The following ADGRV1 variants were observed in gnomAD, a reference collection of about 807,000 sequenced individuals.
ADGRV1 encodes the protein G-protein coupled receptor 98.
Under a neutral mutation model 596.2 loss-of-function variants are expected in ADGRV1, and 359 were observed. The ratio of observed to expected loss-of-function variants is 0.60; its 90% CI spans 0.55 to 0.66. The LOEUF is 0.66. Among genes scored for constraint, ADGRV1 ranks in the 30% least tolerant of loss-of-function variants. The probability of loss-of-function intolerance (pLI) is 0.00; values close to 1 mark genes in which losing one functional copy is unlikely to be tolerated. For missense variants in ADGRV1, 7,274 were observed against 7,575.6 expected (o/e 0.96, Z 1.48); for synonymous variants, 2,681 against 2,679.2 (o/e 1.00, Z -0.02).
rs1295347113 is a variant in ADGRV1, at chr5:90,779,084, G to C, written c.13069G>C (p.Glu4357Gln). 1.2e-6 allele frequency: 2 copies of C among 1,601,136 alleles called. No individual in the cohort carries two copies. Among genetic ancestry groups the C allele is most frequent in the African/African-American group, 1.3e-5 (1 of 74,698 alleles). The part of the protein sequence containing the change: ...EEFSLTITKV[E>Q]LQGRGYDFTI... ...ATTTTCTCTAACAATTACAAAGGTG[G>C]AACTCCAGGGAAGGTAAAGGAGAAA... The change falls in exon 64 of 90, where the codon GAA (glutamate) becomes CAA (glutamine). Residue 4357 changes from glutamate (E) to glutamine (Q), a missense_variant. Transcript: ENST00000405460.
chr5:91,046,333 G>C (rs947419497), intron 85 of ADGRV1, among the ~76,000 whole-genome samples: 2 of 152,082 alleles, frequency 1.3e-5, no homozygotes, highest in African/African-American at 2.4e-5. Flanking sequence ...TAGACCAATG[G>C]AACAGAATAG....
intron 83 of ADGRV1, among the ~76,000 whole-genome samples, chr5:90,865,468 C>T (rs1768003431): frequency 6.6e-6 from 1 of 152,032 alleles, no homozygotes; most frequent in African/African-American, 2.4e-5. Context: ...ACCAGGATTT[C>T]TATGTTGGAG....
chr5:90,761,203 A>ATCACTGCC, intron 58 of ADGRV1, among the ~76,000 whole-genome samples: 1 of 151,314 alleles, frequency 6.6e-6, no homozygotes, highest in African/African-American at 2.4e-5. Context: ...AATATAACAA[A>ATCACTGCC]TAAGGATTTG....
intron 85 of ADGRV1, among the ~76,000 whole-genome samples, chr5:90,991,387 G>C (rs1337689944): frequency 6.6e-6 from 1 of 152,146 alleles, no homozygotes; most frequent in African/African-American, 2.4e-5. Context: ...TGATTGTAAT[G>C]AAAAAATTGC....
At chr5:90,887,563 A>C (rs1770425730) in intron 83 of ADGRV1, among the ~76,000 whole-genome samples, 1 of 152,182 alleles carries the variant, frequency 6.6e-6, no homozygotes, top group Non-Finnish European at 1.5e-5. Flanking sequence ...ATGAATGATA[A>C]GCACTGAATG....
chr5:90,813,353 A>G (rs1581204793), intron 74 of ADGRV1, among the ~76,000 whole-genome samples: 1 of 151,948 alleles, frequency 6.6e-6, no homozygotes, highest in African/African-American at 2.4e-5. Flanking sequence ...TTACTGGATC[A>G]TGGGGAGGTC....
intron 1 of ADGRV1, among the ~76,000 whole-genome samples, chr5:90,591,243 A>T (rs1759466017): frequency 1.3e-5 from 2 of 152,086 alleles, no homozygotes; most frequent in South Asian, 4.1e-4. Context: ...AATACAAAAA[A>T]TTAGTCAGGC....
At chr5:90,812,053 G>C (rs1465622954) in intron 74 of ADGRV1, among the ~76,000 whole-genome samples, 2 of 151,068 alleles carry the variant, frequency 1.3e-5, no homozygotes, top group East Asian at 3.9e-4. Context: ...TCAGCTTCCC[G>C]AGTAGCTGGG....
chr5:90,994,060 C>CTTT (rs542927882), intron 85 of ADGRV1, among the ~76,000 whole-genome samples: 1 of 134,700 alleles, frequency 7.4e-6, no homozygotes. Flanking sequence ...CTTTTCTTTT[C>CTTT]TTTTTTTTTT....
chr5:90,729,841 A>C, intron 50 of ADGRV1, 77 bp downstream of exon 50: 1 of 1,414,108 alleles, frequency 7.1e-7, no homozygotes, highest in Non-Finnish European at 9.8e-7. Flanking sequence ...ATTGATTTAG[A>C]TTTAGTATCA....
Position 91,153,409 on chromosome 5 carries a change from A to C in ADGRV1, c.18802+11A>C, listed in dbSNP as rs1358693884. On this transcript the variant is annotated intron_variant, in intron 89 of 89. Coordinates refer to ENST00000405460, the MANE Select transcript of ADGRV1 (RefSeq NM_032119.4). ...TTGCATTAAAAACTGGTATGTATGA[A>C]CCCATGAACGACATTAGAAGTAGGC... The C allele has an allele frequency of 6.4e-7, 1 of 1,558,726 alleles. No individual in the cohort carries two copies. The highest frequency in any genetic ancestry group is 8.7e-7 in the Non-Finnish European group (1 of 1,151,918).
At chr5:90,986,727 G>A (rs763136185) in intron 85 of ADGRV1, among the ~76,000 whole-genome samples, 1 of 151,910 alleles carries the variant, frequency 6.6e-6, no homozygotes, top group African/African-American at 2.4e-5. Context: ...TTCTAAAAAG[G>A]AACGATGGCA....
intron 83 of ADGRV1, among the ~76,000 whole-genome samples, chr5:90,891,989 C>T (rs1347918701): frequency 1.3e-5 from 2 of 151,752 alleles, no homozygotes; most frequent in East Asian, 1.9e-4. Context: ...GTAGAAAATG[C>T]ACTTTAAGTT....
At chr5:90,911,646 G>C (rs1772899399) in intron 83 of ADGRV1, among the ~76,000 whole-genome samples, 1 of 152,130 alleles carries the variant, frequency 6.6e-6, no homozygotes, top group Non-Finnish European at 1.5e-5. Context: ...TTTCATGTTA[G>C]TGGTTTTAAT....
chr5:90,912,726 G>A (rs939994997), intron 83 of ADGRV1, among the ~76,000 whole-genome samples: 2 of 152,162 alleles, frequency 1.3e-5, no homozygotes, highest in Admixed American at 6.6e-5. Context: ...AGCAGCATCC[G>A]TGTTCCTGGA....
chr5:91,040,199 A>C (rs1785228744), intron 85 of ADGRV1, among the ~76,000 whole-genome samples: 1 of 152,202 alleles, frequency 6.6e-6, no homozygotes, highest in Non-Finnish European at 1.5e-5. Context: ...TCCATACTCA[A>C]AATAAAACAG....
At position 90,703,798 on chromosome 5, in the gene ADGRV1, A is replaced by G; in HGVS notation, c.8286+3A>G. 1.3e-6 allele frequency: 2 copies of G among 1,579,422 alleles called. No individual in the cohort carries two copies. The highest frequency in any genetic ancestry group is 1.7e-6 in the Non-Finnish European group (2 of 1,163,292). Reference sequence around the variant, plus strand: ...GCGGACAACTTTTCTTTCCTGAGGTAATACTGCAAAGAAAAGTCGATCACA... The same window carrying G: ...GCGGACAACTTTTCTTTCCTGAGGTGATACTGCAAAGAAAAGTCGATCACA... On this transcript the variant is annotated splice_donor_region_variant and intron_variant, in intron 35 of 89. Transcript: ENST00000405460.
At chr5:91,134,057 T>A (rs1002977287) in intron 87 of ADGRV1, among the ~76,000 whole-genome samples, 1 of 152,230 alleles carries the variant, frequency 6.6e-6, no homozygotes, top group Non-Finnish European at 1.5e-5. Flanking sequence ...GTAAAATCTG[T>A]AAGGAAGAGG....
intron 75 of ADGRV1, among the ~76,000 whole-genome samples, chr5:90,821,797 G>A (rs1422343619): frequency 2.0e-5 from 3 of 151,962 alleles, no homozygotes; most frequent in Non-Finnish European, 4.4e-5. Flanking sequence ...CTGCGTGCTG[G>A]GAGAACCACT....
Sources: allele counts gnomAD v4.1 joint callset (sites outside exome capture counted in the v4.1 genomes callset), GRCh38; gene constraint gnomAD v4.1.1; transcripts MANE v1.5; gene names NCBI Gene and HGNC (gene_info 2026-07-23, HGNC 2026-07-21).